Variants in CDK15 observed in about 807,000 individuals in gnomAD.
CDK15 encodes the protein cyclin dependent kinase 15.
A neutral mutation model predicts 60.3 loss-of-function variants in CDK15; 62 were observed. That is an observed-to-expected ratio of 1.03 (90% CI 0.84 to 1.27). The LOEUF (loss-of-function observed/expected upper bound fraction) is 1.27. Ranked by LOEUF, CDK15 falls within the 50% of genes most tolerant of loss-of-function variation. The pLI is 0.00. For missense variants in CDK15, 541 were observed against 527.8 expected, an observed-to-expected ratio of 1.03 and a Z score of -0.25; for synonymous variants, 194 against 195.7, an observed-to-expected ratio of 0.99 and a Z score of 0.07.
Position 201,876,551 on chromosome 2 carries a change from G to T in CDK15, c.1059-3477G>T, listed in dbSNP as rs1559147047. 4 of 1,286,556 alleles carry T rather than the reference G, an allele frequency of 3.1e-6. No homozygotes were observed. In the East Asian group the frequency reaches 1.7e-4, roughly 54 times the overall value. 79.7% of individuals were successfully genotyped at this position (1,286,556 alleles called of 1,614,324 possible). ...GGAAGAGACTTCACTTGCCCGCTTT[G>T]CCCTGGTGACCACCTCTACCGGCGA... On this transcript the variant is annotated intron_variant, in intron 11 of 13. Coordinates refer to ENST00000652192, the MANE Select transcript of CDK15 (RefSeq NM_001366386.2).
At chr2:201,876,430 A>G (rs1699080546) in intron 11 of CDK15, 1 of 463,736 alleles carries the variant, frequency 2.2e-6, no homozygotes. Flanking sequence ...CCAGATCCTA[A>G]TGGTCTTGCT....
chr2:201,836,295 C>G (rs908263888), intron 8 of CDK15, among the ~76,000 whole-genome samples: 2 of 146,236 alleles, frequency 1.4e-5, no homozygotes, highest in African/African-American at 5.1e-5. Context: ...CCTCCACCTC[C>G]CAGATTCAAG....
At chr2:201,873,747 CT>C (rs901836524) in intron 11 of CDK15, among the ~76,000 whole-genome samples, 3 of 152,192 alleles carry the variant, frequency 2.0e-5, no homozygotes, top group African/African-American at 7.2e-5. Flanking sequence ...CTGCTCAGAT[CT>C]TTAACACAGG....
intron 10 of CDK15, among the ~76,000 whole-genome samples, chr2:201,860,120 T>C (rs939244626): frequency 6.6e-6 from 1 of 152,222 alleles, no homozygotes; most frequent in Non-Finnish European, 1.5e-5. Flanking sequence ...TCTGTTTGCT[T>C]CCTTAAACAC....
chr2:201,842,869 A>G (rs549666433), intron 8 of CDK15, among the ~76,000 whole-genome samples: 2 of 152,144 alleles, frequency 1.3e-5, no homozygotes, highest in Non-Finnish European at 2.9e-5. Context: ...TCCCCTGCAT[A>G]TGAATTTCCC....
chr2:201,859,997 T>C (rs763584722), intron 10 of CDK15, among the ~76,000 whole-genome samples: 1 of 152,256 alleles, frequency 6.6e-6, no homozygotes, highest in Non-Finnish European at 1.5e-5. Flanking sequence ...GATCCTGCGA[T>C]AAAGAGAAAC....
At chr2:201,888,895 T>C in intron 12 of CDK15, 1 of 1,008,128 alleles carries the variant, frequency 9.9e-7, no homozygotes, top group South Asian at 4.3e-5. Flanking sequence ...TGGTAAAGTA[T>C]ACGCACTGTT....
rs981857620 is a variant in CDK15, at chr2:201,882,539, G to T, written c.1198+2372G>T. On this transcript the variant is annotated intron_variant, in intron 12 of 13. Coordinates refer to ENST00000652192, the MANE Select transcript of CDK15 (RefSeq NM_001366386.2). The surrounding 1 kb of genome is among the most constrained non-coding windows in gnomAD (Gnocchi z 4.0). ...AGGGCTCTGCTGCTGCTGCCTCGGC[G>T]GACAAGCATTTCCTGCAGCGACATC... Among the ~76,000 whole-genome samples the T allele has an allele frequency of 2.0e-5, 3 of 152,082 alleles. No individual in the cohort carries two copies. The highest frequency in any genetic ancestry group is 6.5e-5 in the Admixed American group (1 of 15,272).
At chr2:201,836,057 A>ATATATATTTATAT (rs1559126120) in intron 8 of CDK15, among the ~76,000 whole-genome samples, 58 of 6,006 alleles carry the variant, frequency 9.7e-3, no homozygotes, top group African/African-American at 0.018. Flanking sequence ...TTATATATAT[A>ATATATATTTATAT]TTATATATAT....
At position 201,895,186 on chromosome 2, in the gene CDK15, G is replaced by A. The variant is rs1258820418; in HGVS notation, c.*1919G>A. ...TATAGGAGGGATTCCCATGTTGGAG[G>A]TTAGAAGAGCTGACCTCCAATGTCC... On this transcript the variant is annotated 3_prime_UTR_variant, in exon 14 of 14. Transcript: ENST00000652192. 1 of 152,184 alleles carries A rather than the reference G, an allele frequency of 6.6e-6. No individual in the cohort carries two copies. The highest frequency in any genetic ancestry group is 1.5e-5 in the Non-Finnish European group (1 of 68,042). The allele number at this position is 152,184 out of a possible 1,614,324, so 9.4% of individuals were successfully genotyped here.
chr2:201,865,892 C>CAAAAAA lies in CDK15; in HGVS notation c.1010-6364_1010-6359dup, dbSNP rs35178158. Among the ~76,000 whole-genome samples, 5 of 40,082 alleles carry CAAAAAA rather than the reference C, an allele frequency of 1.2e-4. 2 individuals carry two copies. Among genetic ancestry groups the CAAAAAA allele is most frequent in the African/African-American group, 2.9e-4 (4 of 13,620 alleles). The allele number at this position is 40,082 out of a possible 152,430, so 26.3% of individuals were successfully genotyped here. ...GCGACAGAGCAAGATTCCATCTCAA[C>CAAAAAA]AAAAAAAAAAAAAAAAAAAAAAAAA... is the stretch of plus-strand genomic sequence containing the variant. On this transcript the variant is annotated intron_variant, in intron 10 of 13. Coordinates refer to ENST00000652192, the MANE Select transcript of CDK15 (RefSeq NM_001366386.2).
At chr2:201,828,030 T>A (rs1242591067) in intron 6 of CDK15, among the ~76,000 whole-genome samples, 1 of 152,204 alleles carries the variant, frequency 6.6e-6, no homozygotes, top group African/African-American at 2.4e-5. Flanking sequence ...CACCTCTTGG[T>A]AATGTGAGCA....
At chr2:201,872,182 C>G in intron 10 of CDK15, 96 bp from the exon 11 acceptor site, 1 of 1,294,362 alleles carries the variant, frequency 7.7e-7, no homozygotes, top group Non-Finnish European at 1.1e-6. Flanking sequence ...TTTTTTTAAA[C>G]CAAGCCAAGA....
chr2:201,810,315 A>G (rs990069692), intron 3 of CDK15, among the ~76,000 whole-genome samples: 4 of 152,114 alleles, frequency 2.6e-5, no homozygotes, highest in Non-Finnish European at 5.9e-5. Context: ...TCAGTTTCAC[A>G]TATGGTTAAA....
intron 4 of CDK15, among the ~76,000 whole-genome samples, chr2:201,814,600 T>A (rs557702702): frequency 8.4e-4 from 128 of 152,100 alleles, no homozygotes; most frequent in Non-Finnish European, 1.5e-3. Flanking sequence ...GGAGGTTAAA[T>A]GAGAAGGGCT....
At chr2:201,860,875 A>G (rs377050666) in intron 10 of CDK15, 29 of 1,351,612 alleles carry the variant, frequency 2.1e-5, no homozygotes, top group Middle Eastern at 2.1e-4. Flanking sequence ...TGAAACCACT[A>G]TGAGACAGAA....
chr2:201,880,467 G>A (rs780908936), intron 12 of CDK15, among the ~76,000 whole-genome samples: 12 of 152,220 alleles, frequency 7.9e-5, no homozygotes, highest in Non-Finnish European at 1.5e-4. Context: ...TGAGATGGAC[G>A]TTGTCTCTGA....
chr2:201,833,750 CT>C, intron 6 of CDK15, 97 bp from the exon 7 acceptor site: 1 of 823,284 alleles, frequency 1.2e-6, no homozygotes, highest in Non-Finnish European at 1.7e-6. Flanking sequence ...TCAAGAGACA[CT>C]TTTACTATAT....
intron 4 of CDK15, among the ~76,000 whole-genome samples, chr2:201,816,337 C>A (rs1211397008): frequency 6.6e-6 from 1 of 151,992 alleles, no homozygotes; most frequent in African/African-American, 2.4e-5. Context: ...GTTCCCAATA[C>A]CCCCAGTTAT....
Sources: allele counts gnomAD v4.1 joint callset (sites outside exome capture counted in the v4.1 genomes callset), GRCh38; gene constraint gnomAD v4.1.1; non-coding constraint Gnocchi (gnomAD v3.1); transcripts MANE v1.5; gene names NCBI Gene and HGNC (gene_info 2026-07-23, HGNC 2026-07-21).